The following APBA2 variants were observed in gnomAD, a reference collection of about 807,000 sequenced individuals.
APBA2 encodes the protein amyloid-beta A4 precursor protein-binding family A member 2.
A neutral mutation model predicts 75.0 loss-of-function variants in APBA2; 30 were observed. The observed-to-expected ratio is 0.40, with a 90% confidence interval of 0.30 to 0.54. APBA2 has a LOEUF of 0.54. APBA2 is among the 20% of genes least tolerant of loss of function. The pLI, the probability that APBA2 is intolerant of heterozygous loss-of-function variation, is 0.49. For missense variants in APBA2, 801 were observed against 1,016.1 expected, an observed-to-expected ratio of 0.79 and a Z score of 2.88; for synonymous variants, 444 against 409.6, an observed-to-expected ratio of 1.08 and a Z score of -1.01.
intron 1 of APBA2, among the ~76,000 whole-genome samples, chr15:28,891,043 A>G (rs530643797): frequency 2.0e-5 from 3 of 152,366 alleles, no homozygotes; most frequent in Non-Finnish European, 2.9e-5. Flanking sequence ...AACTTCCTGC[A>G]TTGAGTGACT....
intron 2 of APBA2, among the ~76,000 whole-genome samples, chr15:28,964,969 A>T (rs1395829011): frequency 1.3e-5 from 2 of 151,910 alleles, no homozygotes; most frequent in African/African-American, 4.8e-5. Flanking sequence ...TTTAATTTTG[A>T]GGAGGTCAAA....
At chr15:28,951,786 T>G (rs2035889792) in intron 2 of APBA2, among the ~76,000 whole-genome samples, 1 of 151,800 alleles carries the variant, frequency 6.6e-6, no homozygotes, top group South Asian at 2.1e-4. Context: ...TTTCACCATG[T>G]TGGCCAGGAT....
intron 1 of APBA2, among the ~76,000 whole-genome samples, chr15:28,902,523 G>A (rs1003100829): frequency 7.9e-5 from 12 of 152,150 alleles, no homozygotes; most frequent in African/African-American, 2.7e-4. Context: ...AGGAGGTCCC[G>A]GAGCAGAAAG....
intron 2 of APBA2, among the ~76,000 whole-genome samples, chr15:28,954,768 C>G (rs1372370891): frequency 6.6e-6 from 1 of 152,212 alleles, no homozygotes; most frequent in African/African-American, 2.4e-5. Context: ...CTCTCACCTG[C>G]CTCCTGCTAG....
chr15:29,026,332 G>T (rs1192960171), intron 3 of APBA2, among the ~76,000 whole-genome samples: 2 of 152,192 alleles, frequency 1.3e-5, no homozygotes, highest in Non-Finnish European at 2.9e-5. Context: ...GCTGTCAGGT[G>T]CATTTACCCT....
chr15:29,023,658 G>A (rs1467034308), intron 3 of APBA2, among the ~76,000 whole-genome samples: 2 of 151,682 alleles, frequency 1.3e-5, no homozygotes, highest in African/African-American at 4.8e-5. Context: ...GTTTTGCCAT[G>A]TTGGCCAGGC....
chr15:29,038,730 G>T (rs1288176286), intron 3 of APBA2, among the ~76,000 whole-genome samples: 1 of 143,392 alleles, frequency 7.0e-6, no homozygotes. Context: ...CTGGAGTGCA[G>T]TGAGGCCATC....
chr15:29,004,047 C>T (rs1357114767), intron 3 of APBA2, among the ~76,000 whole-genome samples: 2 of 152,204 alleles, frequency 1.3e-5, no homozygotes, highest in Non-Finnish European at 2.9e-5. Flanking sequence ...AGCATTGTCA[C>T]TTCCTGTCTC....
chr15:28,901,040 G>A (rs1311087372), intron 1 of APBA2, among the ~76,000 whole-genome samples: 3 of 152,150 alleles, frequency 2.0e-5, no homozygotes, highest in Non-Finnish European at 4.4e-5. Context: ...CCCGTCCCAT[G>A]TCAGAGAGAC....
chr15:29,114,799 TGTGG>T (rs1451156399), intron 14 of APBA2, among the ~76,000 whole-genome samples: 2 of 150,172 alleles, frequency 1.3e-5, no homozygotes, highest in African/African-American at 4.9e-5. Flanking sequence ...AGTGTGTGTG[TGTGG>T]GTGAGTGTAT....
intron 6 of APBA2, among the ~76,000 whole-genome samples, chr15:29,089,105 C>T (rs1161105234): frequency 1.3e-5 from 2 of 152,204 alleles, no homozygotes; most frequent in Non-Finnish European, 2.9e-5. Context: ...CACCATGGCC[C>T]ATCCTGATGC....
Position 29,054,120 on chromosome 15 carries a change from A to C in APBA2, c.236A>C (p.Asn79Thr). The change falls in exon 4 of 15, where the codon AAC (asparagine) becomes ACC (threonine). Residue 79 changes from asparagine to threonine, a missense_variant. This residue lies in a region of APBA2 where 434 missense variants were observed against 471.6 expected (regional missense o/e 0.92). Coordinates refer to ENST00000683413, the MANE Select transcript of APBA2 (RefSeq NM_001353788.2). This position sits in a 1 kb window ranked among gnomAD's most constrained non-coding sequence, Gnocchi z 6.1. The part of the protein sequence containing the change: ...DGDSSSDYVN[N>T]TSEEEDYDEG... ...GACTCCAGCTCTGACTACGTGAACA[A>C]CACCTCTGAGGAGGAGGACTATGAC... 1 of 1,614,136 alleles carries C rather than the reference A, an allele frequency of 6.2e-7. No homozygotes were observed. The highest frequency in any genetic ancestry group is 8.5e-7 in the Non-Finnish European group (1 of 1,180,024).
At chr15:28,938,831 G>A (rs2035025758) in intron 2 of APBA2, among the ~76,000 whole-genome samples, 1 of 152,116 alleles carries the variant, frequency 6.6e-6, no homozygotes, top group African/African-American at 2.4e-5. Flanking sequence ...TTTAATATAA[G>A]CATATACATT....
intron 1 of APBA2, among the ~76,000 whole-genome samples, chr15:28,902,918 T>C (rs2032944442): frequency 6.6e-6 from 1 of 152,182 alleles, no homozygotes. Context: ...ATTTAGAATA[T>C]GTATGTTTTA....
chr15:28,888,991 A>G (rs1006676429), intron 1 of APBA2, among the ~76,000 whole-genome samples: 11 of 151,988 alleles, frequency 7.2e-5, no homozygotes, highest in African/African-American at 2.7e-4. Context: ...GTTGCTCACC[A>G]GGAGGCAGCC....
At chr15:28,998,506 C>A (rs911367598) in intron 3 of APBA2, among the ~76,000 whole-genome samples, 2 of 151,994 alleles carry the variant, frequency 1.3e-5, no homozygotes, top group African/African-American at 4.8e-5. Context: ...AACCTAAGAT[C>A]CAAAGAAAGG....
chr15:29,057,188 C>T lies in APBA2; in HGVS notation c.951+2353C>T, dbSNP rs1022453362. 1.8e-4 allele frequency among the ~76,000 whole-genome samples: 28 copies of T among 152,280 alleles called. No individual in the cohort carries two copies. The East Asian group carries it at 5.4e-3, about 29-fold the overall frequency. ...ATGGGCAATATTGGTCACTTAGATG[C>T]TGTAGACTCCTGTTTTTAACCCTAA... On this transcript the variant is annotated intron_variant, in intron 4 of 14. Transcript: ENST00000683413.
chr15:28,944,413 G>T (rs1326994096), intron 2 of APBA2, among the ~76,000 whole-genome samples: 1 of 152,134 alleles, frequency 6.6e-6, no homozygotes, highest in African/African-American at 2.4e-5. Context: ...TGCCTCCTGG[G>T]TCTCCATCAC....
intron 2 of APBA2, among the ~76,000 whole-genome samples, chr15:28,936,555 A>G (rs1357184885): frequency 5.3e-5 from 8 of 152,340 alleles, no homozygotes; most frequent in Admixed American, 3.9e-4. Flanking sequence ...TTCCCAAGGC[A>G]CTAGTGCCTG....
Sources: allele counts gnomAD v4.1 joint callset (sites outside exome capture counted in the v4.1 genomes callset), GRCh38; gene constraint gnomAD v4.1.1; regional missense constraint gnomAD v4.1.1; non-coding constraint Gnocchi (gnomAD v3.1); transcripts MANE v1.5; gene names NCBI Gene and HGNC (gene_info 2026-07-23, HGNC 2026-07-21).